Variants in ADCY2 observed in about 807,000 individuals in gnomAD.
The protein encoded by ADCY2 is adenylate cyclase type 2.
A neutral mutation model predicts 125.2 loss-of-function variants in ADCY2; 31 were observed. The ratio of observed to expected loss-of-function variants is 0.25; its 90% confidence interval spans 0.19 to 0.33. The LOEUF (loss-of-function observed/expected upper bound fraction) is 0.33. Among genes scored for constraint, ADCY2 ranks in the 10% least tolerant of loss-of-function variants. The pLI, the probability that ADCY2 is intolerant of heterozygous loss-of-function variation, is 1.00. For missense variants in ADCY2, 904 were observed against 1,418.2 expected, an observed-to-expected ratio of 0.64 and a Z score of 5.82; for synonymous variants, 512 against 548.4, an observed-to-expected ratio of 0.93 and a Z score of 0.93.
intron 2 of ADCY2, among the ~76,000 whole-genome samples, chr5:7,501,658 C>CCCCT (rs1554014577): frequency 8.7e-6 from 1 of 115,546 alleles, no homozygotes; most frequent in Non-Finnish European, 1.9e-5. Context: ...CCCCCCCCCC[C>CCCCT]GCCAGTAACT....
At chr5:7,523,853 T>G (rs1274068820) in intron 3 of ADCY2, among the ~76,000 whole-genome samples, 2 of 152,214 alleles carry the variant, frequency 1.3e-5, no homozygotes, top group African/African-American at 4.8e-5. Flanking sequence ...GCCCGCAAAC[T>G]ATAGTCAATA....
chr5:7,702,553 T>C (rs1741123291), intron 7 of ADCY2, among the ~76,000 whole-genome samples: 1 of 152,168 alleles, frequency 6.6e-6, no homozygotes, highest in African/African-American at 2.4e-5. Flanking sequence ...ACAAAGGACA[T>C]GAACTCATCC....
chr5:7,727,756 T>C (rs1741976100), intron 14 of ADCY2, among the ~76,000 whole-genome samples: 1 of 152,014 alleles, frequency 6.6e-6, no homozygotes, highest in African/African-American at 2.4e-5. Flanking sequence ...TTGATTGTTA[T>C]AGGTCAAGGT....
At position 7,586,459 on chromosome 5, in the gene ADCY2, C is replaced by T. The variant is rs1432748320; in HGVS notation, c.571-39708C>T. Among the ~76,000 whole-genome samples the T allele has an allele frequency of 9.2e-5, 14 of 152,308 alleles. No homozygotes were observed. In the South Asian group the frequency reaches 2.7e-3, roughly 29 times the overall value. On this transcript the variant is annotated intron_variant, in intron 3 of 24. Coordinates refer to ENST00000338316, the MANE Select transcript of ADCY2 (RefSeq NM_020546.3). ...CTGTCTTCCTTTCCAGATCTCAGTG[C>T]AGGCCTATGTCGACACCAAACTATT... is the stretch of plus-strand genomic sequence containing the variant.
chr5:7,817,823 CAA>C lies in ADCY2; in HGVS notation c.2998+872_2998+873del, dbSNP rs57731885. On this transcript the variant is annotated intron_variant, in intron 23 of 24. Transcript: ENST00000338316. Reference sequence around the variant, plus strand: ...GGGTGACAGAAAGAGACGCTGTCACCAAAAAAAAAAAAAAAAAAAAAAAAAAA... The same window carrying C: ...GGGTGACAGAAAGAGACGCTGTCACCAAAAAAAAAAAAAAAAAAAAAAAAA... Among the ~76,000 whole-genome samples, 312 of 78,182 alleles carry C rather than the reference CAA, an allele frequency of 4.0e-3. 1 individual carries two copies. Among genetic ancestry groups the C allele is most frequent in the East Asian group, 0.025 (55 of 2,170 alleles). The allele number at this position is 78,182 out of a possible 152,430, so 51.3% of individuals were successfully genotyped here.
chr5:7,599,876 A>G (rs888441176), intron 3 of ADCY2, among the ~76,000 whole-genome samples: 8 of 152,234 alleles, frequency 5.3e-5, no homozygotes, highest in South Asian at 2.1e-4. Flanking sequence ...TAAAGGCTTA[A>G]AAATGCTCCT....
intron 3 of ADCY2, among the ~76,000 whole-genome samples, chr5:7,526,842 T>C (rs1734486811): frequency 6.6e-6 from 1 of 152,200 alleles, no homozygotes; most frequent in South Asian, 2.1e-4. Flanking sequence ...CCCTTAATGA[T>C]GAAGGGAAGA....
At chr5:7,707,095 G>A (rs775804868) in intron 8 of ADCY2, among the ~76,000 whole-genome samples, 193 bp downstream of exon 8, 5 of 152,126 alleles carry the variant, frequency 3.3e-5, no homozygotes, top group Non-Finnish European at 4.4e-5. Context: ...TCACGACCCC[G>A]TTGTCCATAG....
chr5:7,795,354 G>T (rs1018013688), intron 20 of ADCY2: 4 of 152,224 alleles, frequency 2.6e-5, no homozygotes, highest in Non-Finnish European at 5.9e-5. Flanking sequence ...TTCAGAAAGG[G>T]CTCCTGCCCA....
intron 16 of ADCY2, among the ~76,000 whole-genome samples, chr5:7,761,152 T>TTTTC (rs1440270687): frequency 7.8e-6 from 1 of 127,840 alleles, no homozygotes; most frequent in Non-Finnish European, 1.7e-5. Context: ...TCTTTTCTTT[T>TTTTC]TTTTTTTTTT....
At chr5:7,528,513 A>G (rs891481998) in intron 3 of ADCY2, among the ~76,000 whole-genome samples, 2 of 152,208 alleles carry the variant, frequency 1.3e-5, no homozygotes, top group Admixed American at 6.5e-5. Flanking sequence ...CCCTATCATA[A>G]CATGAATTTC....
intron 22 of ADCY2, among the ~76,000 whole-genome samples, chr5:7,805,720 G>GA (rs1744740341): frequency 1.3e-5 from 2 of 152,194 alleles, no homozygotes; most frequent in Admixed American, 6.5e-5. Context: ...AGAGTGGGGA[G>GA]AGAGGCAGCA....
chr5:7,787,729 C>T (rs1744125264), intron 19 of ADCY2, among the ~76,000 whole-genome samples: 1 of 152,070 alleles, frequency 6.6e-6, no homozygotes, highest in Non-Finnish European at 1.5e-5. Flanking sequence ...AATGTCATTT[C>T]GGTTCAGTAC....
At chr5:7,531,616 A>G (rs1020289818) in intron 3 of ADCY2, among the ~76,000 whole-genome samples, 9 of 152,196 alleles carry the variant, frequency 5.9e-5, no homozygotes, top group African/African-American at 1.9e-4. Flanking sequence ...GGTGGCAGCC[A>G]GCAGTCCTCG....
chr5:7,423,661 G>C (rs556389149), intron 2 of ADCY2, among the ~76,000 whole-genome samples: 2 of 152,218 alleles, frequency 1.3e-5, no homozygotes, highest in African/African-American at 4.8e-5. Flanking sequence ...ACCCAGTCTC[G>C]GGTATGTCTT....
At chr5:7,420,354 G>A (rs1740148098) in intron 2 of ADCY2, among the ~76,000 whole-genome samples, 1 of 152,130 alleles carries the variant, frequency 6.6e-6, no homozygotes, top group Non-Finnish European at 1.5e-5. Context: ...TTTTGATCAG[G>A]AAAGAGGAGT....
chr5:7,533,750 T>C (rs1362311567), intron 3 of ADCY2, among the ~76,000 whole-genome samples: 1 of 152,242 alleles, frequency 6.6e-6, no homozygotes, highest in Non-Finnish European at 1.5e-5. Context: ...TTTTCTGTTT[T>C]TATTATTAAT....
At chr5:7,727,824 C>T (rs1741977419) in intron 14 of ADCY2, among the ~76,000 whole-genome samples, 1 of 152,178 alleles carries the variant, frequency 6.6e-6, no homozygotes, top group Non-Finnish European at 1.5e-5. Flanking sequence ...GAGCAAACCA[C>T]ATTTCATGCT....
chr5:7,793,743 A>T (rs1206811928), intron 20 of ADCY2: 1 of 152,216 alleles, frequency 6.6e-6, no homozygotes, highest in African/African-American at 2.4e-5. Flanking sequence ...CATCACAGCC[A>T]CTGTAGCCCT....
Sources: allele counts gnomAD v4.1 joint callset (sites outside exome capture counted in the v4.1 genomes callset), GRCh38; gene constraint gnomAD v4.1.1; transcripts MANE v1.5; gene names NCBI Gene and HGNC (gene_info 2026-07-23, HGNC 2026-07-21).